SCOC: variants seen among roughly 807,000 people sequenced by gnomAD.
The protein encoded by SCOC is short coiled coil protein.
SCOC carries 7 observed loss-of-function variants against 9.9 expected under a neutral mutation model. The observed-to-expected ratio is 0.71, with a 90% CI of 0.40 to 1.33. The LOEUF is 1.33. Among genes scored for constraint, SCOC ranks in the 40% most tolerant of loss-of-function variants. The probability of loss-of-function intolerance (pLI) is 0.01; values close to 1 mark genes in which losing one functional copy is unlikely to be tolerated. For synonymous variants in SCOC, 19 were observed against 28.2 expected, an observed-to-expected ratio of 0.67 and a Z score of 1.03; for missense variants, 66 against 89.7, an observed-to-expected ratio of 0.74 and a Z score of 1.07.
intron 2 of SCOC, among the ~76,000 whole-genome samples, chr4:140,345,318 G>A (rs1444067224): frequency 6.6e-6 from 1 of 152,070 alleles, no homozygotes; most frequent in African/African-American, 2.4e-5. Flanking sequence ...TGCACAAAAG[G>A]CCTTTGGAGC....
intron 1 of SCOC, among the ~76,000 whole-genome samples, chr4:140,313,813 A>T (rs1732228737): frequency 6.6e-6 from 1 of 152,026 alleles, no homozygotes; most frequent in Non-Finnish European, 1.5e-5. Flanking sequence ...AATGATTAAG[A>T]GAATATTTAT....
chr4:140,371,176 C>T (rs983320681), upstream of SCOC, among the ~76,000 whole-genome samples: 9 of 152,118 alleles, frequency 5.9e-5, no homozygotes, highest in Non-Finnish European at 1.3e-4. Context: ...TGAGCCACCG[C>T]GCCTGGCCTG....
chr4:140,371,587 C>T (rs1172584657), upstream of SCOC, among the ~76,000 whole-genome samples: 1 of 152,236 alleles, frequency 6.6e-6, no homozygotes, highest in Non-Finnish European at 1.5e-5. Context: ...TTTTTCCCCA[C>T]AACCTTAGAA....
chr4:140,341,511 G>C (rs1462437477), upstream of SCOC, among the ~76,000 whole-genome samples: 1 of 152,138 alleles, frequency 6.6e-6, no homozygotes, highest in Non-Finnish European at 1.5e-5. Context: ...CCTACCTGTA[G>C]GACTGTTGCC....
intron 1 of SCOC, among the ~76,000 whole-genome samples, chr4:140,286,910 A>G (rs919608253): frequency 1.3e-5 from 2 of 152,154 alleles, no homozygotes; most frequent in African/African-American, 4.8e-5. Flanking sequence ...CTGTTCCCCC[A>G]GAGGGCTCCC....
intron 1 of SCOC, among the ~76,000 whole-genome samples, chr4:140,317,653 G>A (rs979552713): frequency 7.7e-5 from 11 of 143,290 alleles, no homozygotes; most frequent in African/African-American, 2.6e-4. Context: ...TCTACTGTTT[G>A]CATTTTTATT....
chr4:140,291,833 A>C (rs1027160980), intron 1 of SCOC, among the ~76,000 whole-genome samples: 1 of 152,206 alleles, frequency 6.6e-6, no homozygotes, highest in Admixed American at 6.5e-5. Flanking sequence ...GTGTCTGATC[A>C]TCCTCAAAAT....
intron 2 of SCOC, among the ~76,000 whole-genome samples, chr4:140,367,421 C>G (rs191968282): frequency 1.2e-3 from 188 of 151,514 alleles, no homozygotes; most frequent in African/African-American, 4.3e-3. Context: ...GCTGTGTTGC[C>G]CAGGCTGGAG....
chr4:140,362,522 T>C (rs1342649743), intron 2 of SCOC, among the ~76,000 whole-genome samples: 1 of 151,358 alleles, frequency 6.6e-6, no homozygotes, highest in Non-Finnish European at 1.5e-5. Flanking sequence ...CTGGAACTCC[T>C]GACCTCAAGT....
At chr4:140,287,825 GACAC>G (rs1183784671) in intron 1 of SCOC, among the ~76,000 whole-genome samples, 1 of 151,734 alleles carries the variant, frequency 6.6e-6, no homozygotes, top group Admixed American at 6.6e-5. Flanking sequence ...CACACACATA[GACAC>G]ACACTATGCA....
At position 140,383,541 on chromosome 4, in the gene SCOC, G is replaced by C. The variant is rs929853285; in HGVS notation, c.*2437G>C. 5 of 152,206 alleles carry C rather than the reference G, an allele frequency of 3.3e-5. No individual in the cohort carries two copies. Among genetic ancestry groups the C allele is most frequent in the Non-Finnish European group, 7.3e-5 (5 of 68,046 alleles). The allele number at this position is 152,206 out of a possible 1,614,324, so 9.4% of individuals were successfully genotyped here. A position where few individuals can be genotyped will look rare whatever the true frequency, so the allele number is the denominator to read the frequency against. On this transcript the variant is annotated 3_prime_UTR_variant, in exon 4 of 4. Coordinates refer to ENST00000608372, the MANE Select transcript of SCOC (RefSeq NM_001153484.2). ...GTCCCTAGCAGTGGAGAAGTTCCTT[G>C]ATTCAACTATGATTCTGATCTCTGG...
At chr4:140,325,752 G>A (rs1409182752) in intron 1 of SCOC, among the ~76,000 whole-genome samples, 1 of 152,076 alleles carries the variant, frequency 6.6e-6, no homozygotes, top group South Asian at 2.1e-4. Context: ...AGCACAACCA[G>A]GTTGGAGGAC....
chr4:140,358,183 A>T (rs1217420779), intron 2 of SCOC, among the ~76,000 whole-genome samples: 2 of 152,200 alleles, frequency 1.3e-5, no homozygotes, highest in Non-Finnish European at 2.9e-5. Flanking sequence ...ATACTTTTTT[A>T]AAAAGTTTTA....
chr4:140,364,111 AC>A (rs1727684863), intron 2 of SCOC, among the ~76,000 whole-genome samples: 1 of 152,078 alleles, frequency 6.6e-6, no homozygotes, highest in South Asian at 2.1e-4. Context: ...AAAAACTTAC[AC>A]TTTTTGCAAA....
chr4:140,272,723 A>G (rs983533814), intron 1 of SCOC, among the ~76,000 whole-genome samples: 7 of 152,012 alleles, frequency 4.6e-5, no homozygotes, highest in African/African-American at 1.7e-4. Context: ...AGATGTGTCA[A>G]CAAGAAGAAA....
intron 2 of SCOC, among the ~76,000 whole-genome samples, chr4:140,355,433 G>A (rs1560716755): frequency 6.6e-6 from 1 of 151,948 alleles, no homozygotes; most frequent in East Asian, 1.9e-4. Context: ...TTTTCAGATT[G>A]AAAACTGGGC....
intron 1 of SCOC, among the ~76,000 whole-genome samples, chr4:140,281,861 T>G (rs1731105432): frequency 6.6e-6 from 1 of 152,334 alleles, no homozygotes; most frequent in African/African-American, 2.4e-5. Context: ...TATCTCAGCC[T>G]CTGACCTTAG....
At chr4:140,343,690 T>C (rs1238001191) in exon 2 of SCOC, 2 of 1,613,346 alleles carry the variant, frequency 1.2e-6, no homozygotes, top group Non-Finnish European at 1.7e-6. Context: ...CACCAACATT[T>C]CTCTTGCAGA....
intron 1 of SCOC, among the ~76,000 whole-genome samples, chr4:140,306,241 G>T (rs540529810): frequency 1.3e-5 from 2 of 152,070 alleles, no homozygotes; most frequent in Non-Finnish European, 2.9e-5. Context: ...AAAACCATCA[G>T]ATCTCGTGAG....
Sources: allele counts gnomAD v4.1 joint callset (sites outside exome capture counted in the v4.1 genomes callset), GRCh38; gene constraint gnomAD v4.1.1; transcripts MANE v1.5; gene names NCBI Gene and HGNC (gene_info 2026-07-23, HGNC 2026-07-21).